The following DNAJC13 variants were observed in gnomAD, a reference collection of about 807,000 sequenced individuals.
DNAJC13 encodes the protein DnaJ heat shock protein family (Hsp40) member C13, also known as dnaJ homolog subfamily C member 13.
In DNAJC13, 75 loss-of-function variants were observed where a neutral mutation model predicts 290.5. The observed-to-expected ratio is 0.26, with a 90% confidence interval of 0.21 to 0.31. DNAJC13 has a LOEUF of 0.31. Among genes scored for constraint, DNAJC13 ranks in the 10% least tolerant of loss-of-function variants. DNAJC13 has a pLI of 1.00. For synonymous variants in DNAJC13, 862 were observed against 892.0 expected (o/e 0.97, Z 0.60); for missense variants, 2,260 against 2,674.5 (o/e 0.85, Z 3.42).
chr3:132,488,977 T>G lies in DNAJC13; in HGVS notation c.3424T>G (p.Phe1142Val), dbSNP rs888883002. 6.2e-7 allele frequency: 1 copy of G among 1,606,074 alleles called. No individual in the cohort carries two copies. The highest frequency in any genetic ancestry group is 1.7e-5 in the Admixed American group (1 of 59,820). The change falls in exon 31 of 56, where the codon TTT becomes GTT. Residue 1142 changes from phenylalanine to valine, a missense_variant and splice_region_variant. Coordinates refer to ENST00000260818, the MANE Select transcript of DNAJC13 (RefSeq NM_015268.4). ...TAGATAATTCATTTTTCTTTCTAGA[T>G]TTTTGAAATACACACATACCAAACA... is the stretch of plus-strand genomic sequence containing the variant. ...TGSNVLPVAR[F>V]LKYTHTKQAF...
intron 53 of DNAJC13, among the ~76,000 whole-genome samples, chr3:132,527,310 G>A (rs1936290300): frequency 1.3e-5 from 2 of 152,144 alleles, no homozygotes; most frequent in African/African-American, 2.4e-5. Context: ...AGATGACTAA[G>A]TGACATCTGG....
intron 1 of DNAJC13, among the ~76,000 whole-genome samples, chr3:132,423,825 A>C (rs1939023533): frequency 6.6e-6 from 1 of 152,204 alleles, no homozygotes; most frequent in South Asian, 2.1e-4. Flanking sequence ...TATGTGTTAA[A>C]AGCTTAGGAA....
Position 132,525,772 on chromosome 3 carries a change from G to T in DNAJC13, c.6223G>T (p.Ala2075Ser), listed in dbSNP as rs1936236369. 2 of 1,613,856 alleles carry T rather than the reference G, an allele frequency of 1.2e-6. No homozygotes were observed. The highest frequency in any genetic ancestry group is 2.7e-5 in the African/African-American group (2 of 74,912). ...TAAGAGTGCCATTCGGGTTATCCAT[G>T]CCTTGTCTGAAAATGAGGTATTGAT... ...IPKSAIRVIH[A>S]LSENELCVRA... The change falls in exon 52 of 56, where the codon GCC becomes TCC. Residue 2075 changes from alanine to serine, a missense_variant. Transcript: ENST00000260818.
rs1164304476 is a variant in DNAJC13 at position 132,446,508 on chromosome 3, G to A, written c.102G>A (p.Ala34=). The A allele has an allele frequency of 2.5e-6, 4 of 1,608,900 alleles. No homozygotes were observed. The highest frequency in any genetic ancestry group is 2.5e-6 in the Non-Finnish European group (3 of 1,178,096). ...YKRVFSVGTH[A]ITTYNPNTLE... ...GTGTCTTTTCAGTTGGAACTCATGC[G>A]ATTACTACATATAATCCCAATACCT... Residue 34 remains alanine, a synonymous_variant, in exon 3 of 56, where the codon GCG becomes GCA. Transcript: ENST00000260818.
At chr3:132,440,587 A>G (rs1442054972) in intron 2 of DNAJC13, among the ~76,000 whole-genome samples, 1 of 152,260 alleles carries the variant, frequency 6.6e-6, no homozygotes, top group African/African-American at 2.4e-5. Flanking sequence ...TGCTTACAGT[A>G]TTAGGTACAG....
intron 18 of DNAJC13, 105 bp downstream of exon 18, chr3:132,466,175 T>A: frequency 7.2e-7 from 1 of 1,396,810 alleles, no homozygotes; most frequent in Non-Finnish European, 1.0e-6. Context: ...TGAAAAGTTA[T>A]TTATCATAGG....
Position 132,466,405 on chromosome 3 carries a change from CT to C in DNAJC13, c.2064+12del. The C allele has an allele frequency of 6.3e-7, 1 of 1,578,578 alleles. No homozygotes were observed. Among genetic ancestry groups the C allele is most frequent in the South Asian group, 1.2e-5 (1 of 83,876 alleles). ...GTGAAAATAGCAATGGTAAATATGACTGTCCCAAGTGTGCCTTTTTTAGGAG... is the reference window on the plus strand; with the variant it reads ...GTGAAAATAGCAATGGTAAATATGACGTCCCAAGTGTGCCTTTTTTAGGAG... On this transcript the variant is annotated intron_variant, in intron 19 of 55. Transcript: ENST00000260818.
Position 132,456,342 on chromosome 3 carries a change from G to A in DNAJC13, c.1040G>A (p.Ser347Asn), listed in dbSNP as rs376315774. The change falls in exon 10 of 56, where the codon AGC becomes AAC. Residue 347 changes from serine (S) to asparagine (N), a missense_variant. By Grantham distance (46) the Ser-to-Asn change is conservative. Around this residue, in one of 3 missense-constraint regions of DNAJC13, gnomAD observed 762 missense variants for 964.1 expected, o/e 0.79. Transcript: ENST00000260818. ...THKGQRWGLL[S>N]MPVDEEVESL... ...AAAGGTCAGCGATGGGGGTTACTCA[G>A]CATGCCTGTTGATGAGGAAGTAGAG... is the stretch of plus-strand genomic sequence containing the variant. The A allele has an allele frequency of 6.2e-7, 1 of 1,613,988 alleles. No individual in the cohort carries two copies.
chr3:132,506,045 CTTTTTTTTT>C (rs573857472), intron 42 of DNAJC13, among the ~76,000 whole-genome samples: 2,654 of 72,766 alleles, frequency 0.036, 140 homozygotes, highest in African/African-American at 0.11. Context: ...TGTACATTAT[CTTTTTTTTT>C]TTTTTTTTTT....
intron 40 of DNAJC13, 51 bp downstream of exon 40, chr3:132,502,519 G>T (rs1004395618): frequency 2.1e-6 from 3 of 1,461,052 alleles, no homozygotes; most frequent in Non-Finnish European, 2.8e-6. Flanking sequence ...CCTTAGGTTG[G>T]TGTTAAACTA....
chr3:132,537,074 C>T (rs968725420), intron 55 of DNAJC13: 1 of 454,894 alleles, frequency 2.2e-6, no homozygotes, highest in Non-Finnish European at 4.4e-6. Flanking sequence ...CCACCAATCC[C>T]TGTTTCTACC....
rs750704766 is a variant in DNAJC13 at position 132,467,164 on chromosome 3, T to C, written c.2065-6T>C. 1 of 1,608,494 alleles carries C rather than the reference T, an allele frequency of 6.2e-7. No individual in the cohort carries two copies. Among genetic ancestry groups the C allele is most frequent in the South Asian group, 1.1e-5 (1 of 89,748 alleles). Reference sequence around the variant, plus strand: ...GCATGTAATGGATTCCAACATTATTTTACAGGATCAGTATGGAAAATTTAA... The same window carrying C: ...GCATGTAATGGATTCCAACATTATTCTACAGGATCAGTATGGAAAATTTAA... On this transcript the variant is annotated splice_region_variant and splice_polypyrimidine_tract_variant and intron_variant, in intron 19 of 55. Transcript: ENST00000260818.
chr3:132,491,528 A>C (rs552817098), intron 32 of DNAJC13, among the ~76,000 whole-genome samples: 31 of 152,196 alleles, frequency 2.0e-4, no homozygotes, highest in Admixed American at 6.5e-4. Flanking sequence ...TTTTGTCCTT[A>C]ATCTGGAGGT....
intron 2 of DNAJC13, among the ~76,000 whole-genome samples, chr3:132,440,199 G>A (rs978772997): frequency 1.3e-5 from 2 of 152,250 alleles, no homozygotes; most frequent in Non-Finnish European, 2.9e-5. Context: ...GGAGGTTGCA[G>A]TGAGCTGAGA....
Position 132,487,559 on chromosome 3 carries a change from A to ATTTTTTTTTTTTTTTTTTTTTTTTT in DNAJC13, c.3268-719_3268-718insTTTTTTTTTTTTTTTTTTTTTTTTT, listed in dbSNP as rs10663131. ...GCGTGAGCCACCATGCCTGGCTGTAATTTTTTTTTTTTTTTTTTTTACTGG... is the reference window on the plus strand; with the variant it reads ...GCGTGAGCCACCATGCCTGGCTGTAATTTTTTTTTTTTTTTTTTTTTTTTTTTTTTTTTTTTTTTTTTTTTACTGG... On this transcript the variant is annotated intron_variant, in intron 29 of 55. Transcript: ENST00000260818. Among the ~76,000 whole-genome samples the ATTTTTTTTTTTTTTTTTTTTTTTTT allele has an allele frequency of 1.1e-3, 119 of 110,380 alleles. 15 individuals are homozygous for ATTTTTTTTTTTTTTTTTTTTTTTTT. Among genetic ancestry groups the ATTTTTTTTTTTTTTTTTTTTTTTTT allele is most frequent in the African/African-American group, 6.0e-3 (112 of 18,732 alleles). The allele number at this position is 110,380 out of a possible 152,430, so 72.4% of individuals were successfully genotyped here.
chr3:132,507,548 A>G (rs1306490055), intron 43 of DNAJC13, among the ~76,000 whole-genome samples, 195 bp downstream of exon 43: 3 of 151,920 alleles, frequency 2.0e-5, no homozygotes, highest in South Asian at 2.1e-4. Context: ...TTTTTCCAAT[A>G]GCATGTGTTC....
chr3:132,492,448 G>A lies in DNAJC13; in HGVS notation c.3658G>A (p.Ala1220Thr), dbSNP rs1037587270. The change falls in exon 33 of 56, where the codon GCG (alanine) becomes ACG (threonine). Residue 1220 changes from alanine to threonine, a missense_variant. Ala to Thr is a moderately conservative substitution (Grantham distance 58, BLOSUM62 0). This residue lies in a region of DNAJC13 where 1,494 missense variants were observed against 1,693.7 expected (regional missense o/e 0.88). Transcript: ENST00000260818. ...GATAGAGAAGATTGCTGCCCATCTC[G>A]CGGATTTCACACCTCGTCTTCAGAG... Reference protein sequence around the residue: ...LMIEKIAAHLADFTPRLQSNT... With the variant: ...LMIEKIAAHLTDFTPRLQSNT... 1.1e-5 allele frequency: 17 copies of A among 1,613,762 alleles called. No individual in the cohort carries two copies. Among genetic ancestry groups the A allele is most frequent in the South Asian group, 2.2e-5 (2 of 91,076 alleles).
At chr3:132,525,233 G>C (rs902823990) in intron 51 of DNAJC13, among the ~76,000 whole-genome samples, 3 of 152,100 alleles carry the variant, frequency 2.0e-5, no homozygotes, top group African/African-American at 7.2e-5. Flanking sequence ...CCAGCTACTT[G>C]GGAGGCTGAG....
intron 55 of DNAJC13, among the ~76,000 whole-genome samples, chr3:132,533,527 G>A (rs1936492493): frequency 6.6e-6 from 1 of 151,692 alleles, no homozygotes; most frequent in African/African-American, 2.4e-5. Context: ...GTAGAGACGG[G>A]GTTTTGCTGT....
Sources: gnomAD v4.1 joint callset for allele counts (sites outside exome capture counted in the v4.1 genomes callset) on GRCh38, gnomAD v4.1.1 for gene constraint, gnomAD v4.1.1 regional missense constraint, MANE v1.5 for transcripts, NCBI Gene and HGNC (gene_info 2026-07-23, HGNC 2026-07-21) for gene names.